The following EPM2A variants were observed in gnomAD, a reference collection of about 807,000 sequenced individuals.
EPM2A encodes the protein EPM2A glucan phosphatase, laforin, also known as laforin.
Under a neutral mutation model 26.5 loss-of-function variants are expected in EPM2A, and 21 were observed. The observed-to-expected ratio is 0.79, with a 90% confidence interval of 0.56 to 1.14. The LOEUF (loss-of-function observed/expected upper bound fraction) is 1.14, where lower values mean the gene tolerates loss of function less well. EPM2A is among the 50% of genes most tolerant of loss of function. The pLI is 0.00. For missense variants in EPM2A, 458 were observed against 440.8 expected (o/e 1.04, Z -0.35); for synonymous variants, 217 against 177.6 (o/e 1.22, Z -1.76).
chr6:145,555,186 A>C (rs944464638), intron 2 of EPM2A, among the ~76,000 whole-genome samples: 1 of 152,094 alleles, frequency 6.6e-6, no homozygotes, highest in Non-Finnish European at 1.5e-5. Context: ...TGTTTGGCAC[A>C]GTGTCTACAA....
chr6:145,626,467 A>C lies in EPM2A; in HGVS notation c.*949T>G. ...TTTTAAATTAGCTTGCACAAAATACAACTAATTTCCTAGATTCTTTGGCAA... is the reference window on the plus strand; with the variant it reads ...TTTTAAATTAGCTTGCACAAAATACCACTAATTTCCTAGATTCTTTGGCAA... On this transcript the variant is annotated 3_prime_UTR_variant, in exon 4 of 4. Coordinates refer to ENST00000367519, the MANE Select transcript of EPM2A (RefSeq NM_005670.4). 1.0e-6 allele frequency: 1 copy of C among 985,922 alleles called. No homozygotes were observed. Among genetic ancestry groups the C allele is most frequent in the Non-Finnish European group, 1.2e-6 (1 of 829,968 alleles). The allele number at this position is 985,922 out of a possible 1,614,324, so 61.1% of individuals were successfully genotyped here.
intron 4 of EPM2A, among the ~76,000 whole-genome samples, chr6:145,412,852 G>T (rs981243962): frequency 6.6e-6 from 1 of 152,148 alleles, no homozygotes; most frequent in Admixed American, 6.5e-5. Flanking sequence ...GAGATGGTAG[G>T]CTTTGTCCAT....
intron 2 of EPM2A, among the ~76,000 whole-genome samples, chr6:145,557,580 G>T (rs446362): frequency 0.36 from 54,153 of 151,816 alleles, 10,162 homozygotes; most frequent in South Asian, 0.51. Flanking sequence ...ATTAACAAAT[G>T]TGAATTTTTA....
chr6:145,566,306 ATTCCATTCCT>A (rs2114820024), intron 2 of EPM2A, among the ~76,000 whole-genome samples: 1 of 152,358 alleles, frequency 6.6e-6, no homozygotes, highest in East Asian at 1.9e-4. Flanking sequence ...TTAATATTAT[ATTCCATTCCT>A]TTCTCAAAAA....
chr6:145,401,104 A>T (rs1476932406), intron 4 of EPM2A, among the ~76,000 whole-genome samples: 1 of 152,168 alleles, frequency 6.6e-6, no homozygotes, highest in Non-Finnish European at 1.5e-5. Flanking sequence ...TAGAACAAAT[A>T]TATTTCCATT....
chr6:145,443,853 A>G (rs1582760008), intron 4 of EPM2A, among the ~76,000 whole-genome samples: 5 of 152,106 alleles, frequency 3.3e-5, no homozygotes, highest in Non-Finnish European at 7.4e-5. Context: ...TTTTAAAAAC[A>G]GGGGTTTCTC....
intron 4 of EPM2A, among the ~76,000 whole-genome samples, chr6:145,473,155 T>C (rs1247667215): frequency 6.6e-6 from 1 of 151,892 alleles, no homozygotes; most frequent in Non-Finnish European, 1.5e-5. Context: ...ATGTTCAAGA[T>C]AATGCAGCGA....
chr6:145,697,405 G>A (rs977875962), intron 1 of EPM2A, among the ~76,000 whole-genome samples: 6 of 152,096 alleles, frequency 3.9e-5, no homozygotes, highest in African/African-American at 1.4e-4. Flanking sequence ...ACAGGACCGG[G>A]GCAAAATTAA....
intron 2 of EPM2A, among the ~76,000 whole-genome samples, chr6:145,553,061 G>C (rs1780677196): frequency 6.6e-6 from 1 of 152,062 alleles, no homozygotes; most frequent in Non-Finnish European, 1.5e-5. Context: ...ACCAGATGGA[G>C]GTAATTGAAT....
intron 4 of EPM2A, among the ~76,000 whole-genome samples, chr6:145,406,526 C>T (rs975576146): frequency 6.6e-6 from 1 of 152,100 alleles, no homozygotes; most frequent in Non-Finnish European, 1.5e-5. Context: ...GATGTATATA[C>T]ATACATTATA....
chr6:145,523,471 A>G (rs1285862763), intron 2 of EPM2A, among the ~76,000 whole-genome samples: 2 of 152,140 alleles, frequency 1.3e-5, no homozygotes, highest in African/African-American at 4.8e-5. Context: ...CAATATCCCA[A>G]ACTTGTTCAC....
At chr6:145,660,087 A>T (rs762659179) in intron 2 of EPM2A, among the ~76,000 whole-genome samples, 19 of 152,276 alleles carry the variant, frequency 1.2e-4, no homozygotes, top group Non-Finnish European at 2.5e-4. Context: ...TCTTTTAACA[A>T]CGATATTAAG....
intron 2 of EPM2A, among the ~76,000 whole-genome samples, chr6:145,567,323 A>C (rs765778767): frequency 6.6e-6 from 1 of 152,172 alleles, no homozygotes; most frequent in South Asian, 2.1e-4. Context: ...TATTTTTTAT[A>C]CTGTCTTAGC....
intron 1 of EPM2A, among the ~76,000 whole-genome samples, chr6:145,695,255 T>A (rs756169925): frequency 6.6e-6 from 1 of 151,998 alleles, no homozygotes; most frequent in Admixed American, 6.6e-5. Context: ...TAATGTTTTA[T>A]GTAAACCTCA....
intron 4 of EPM2A, among the ~76,000 whole-genome samples, chr6:145,472,289 T>C (rs1779484101): frequency 1.3e-5 from 2 of 151,782 alleles, no homozygotes; most frequent in Admixed American, 1.3e-4. Flanking sequence ...AGGGCCCTGG[T>C]GAGCCCCTGA....
At chr6:145,554,467 G>GATAGATAGATAGATAC (rs1465942502) in intron 2 of EPM2A, among the ~76,000 whole-genome samples, 1 of 145,302 alleles carries the variant, frequency 6.9e-6, no homozygotes, top group Non-Finnish European at 1.5e-5. Flanking sequence ...TAGATAGATA[G>GATAGATAGATAGATAC]ATACATAGAC....
intron 1 of EPM2A, among the ~76,000 whole-genome samples, chr6:145,690,478 C>T (rs1024586569): frequency 4.2e-5 from 6 of 143,446 alleles, no homozygotes; most frequent in African/African-American, 1.6e-4. Context: ...CCACTGCAGT[C>T]CGCAGTCCGG....
At chr6:145,660,904 G>A (rs191702711) in intron 2 of EPM2A, among the ~76,000 whole-genome samples, 1 of 152,230 alleles carries the variant, frequency 6.6e-6, no homozygotes, top group Admixed American at 6.5e-5. Context: ...AGTACAAAAC[G>A]TTTTAAATAT....
chr6:145,725,204 A>G (rs1430747038), intron 1 of EPM2A, among the ~76,000 whole-genome samples: 2 of 152,134 alleles, frequency 1.3e-5, no homozygotes, highest in African/African-American at 4.8e-5. Flanking sequence ...ACAATGCTCA[A>G]TATCATTTAT....
Sources: allele counts gnomAD v4.1 joint callset (sites outside exome capture counted in the v4.1 genomes callset), GRCh38; gene constraint gnomAD v4.1.1; transcripts MANE v1.5; gene names NCBI Gene and HGNC (gene_info 2026-07-23, HGNC 2026-07-21).